Variants in CCSER1 observed in about 807,000 individuals in gnomAD.
CCSER1 encodes the protein coiled-coil serine rich protein 1.
In CCSER1, 41 loss-of-function variants were observed where a neutral mutation model predicts 82.0. That is an observed-to-expected ratio of 0.50 (90% CI 0.39 to 0.65). CCSER1 has a LOEUF of 0.65. Among genes scored for constraint, CCSER1 ranks in the 30% least tolerant of loss-of-function variants. CCSER1 has a pLI of 0.00. For synonymous variants in CCSER1, 414 were observed against 383.9 expected (o/e 1.08, Z -0.92); for missense variants, 1,119 against 1,064.2 (o/e 1.05, Z -0.72).
chr4:91,460,758 T>C (rs1756457937), intron 10 of CCSER1, among the ~76,000 whole-genome samples: 1 of 152,178 alleles, frequency 6.6e-6, no homozygotes, highest in Non-Finnish European at 1.5e-5. Flanking sequence ...GTGAGTGGCC[T>C]TACACTTTCA....
intron 1 of CCSER1, among the ~76,000 whole-genome samples, chr4:90,265,594 T>C (rs1725093648): frequency 6.6e-6 from 1 of 152,118 alleles, no homozygotes. Context: ...AATAAAATAT[T>C]CTATACTATT....
chr4:90,317,693 C>T (rs556487717), intron 3 of CCSER1, among the ~76,000 whole-genome samples: 1 of 152,220 alleles, frequency 6.6e-6, no homozygotes, highest in South Asian at 2.1e-4. Context: ...ATATAGATTT[C>T]TTTCTCACTT....
chr4:90,222,189 A>T (rs1742276557), intron 1 of CCSER1, among the ~76,000 whole-genome samples: 1 of 152,146 alleles, frequency 6.6e-6, no homozygotes, highest in Non-Finnish European at 1.5e-5. Context: ...GCGTATTTAG[A>T]AGGGGTCTTC....
chr4:90,712,749 C>T (rs543653121), intron 6 of CCSER1, among the ~76,000 whole-genome samples: 22 of 151,622 alleles, frequency 1.5e-4, no homozygotes, highest in African/African-American at 5.3e-4. Context: ...TAAAGTCTCC[C>T]ATTATTATTG....
At chr4:91,472,516 T>A (rs1437386582) in intron 10 of CCSER1, among the ~76,000 whole-genome samples, 1 of 152,244 alleles carries the variant, frequency 6.6e-6, no homozygotes, top group Non-Finnish European at 1.5e-5. Flanking sequence ...TTCCAAAAGC[T>A]ACTTGTAGAT....
chr4:90,338,338 T>G (rs2153502588), intron 3 of CCSER1, among the ~76,000 whole-genome samples: 1 of 152,362 alleles, frequency 6.6e-6, no homozygotes, highest in South Asian at 2.1e-4. Context: ...GTTTTCTTTC[T>G]GTTGTTTTCA....
At chr4:90,573,890 C>A (rs1429934989) in intron 5 of CCSER1, among the ~76,000 whole-genome samples, 1 of 152,036 alleles carries the variant, frequency 6.6e-6, no homozygotes, top group Non-Finnish European at 1.5e-5. Context: ...AATTTCATGT[C>A]ATTTTTGCTT....
chr4:91,538,481 T>G (rs1056669884), intron 10 of CCSER1, among the ~76,000 whole-genome samples: 1 of 151,222 alleles, frequency 6.6e-6, no homozygotes, highest in African/African-American at 2.4e-5. Context: ...TCCTCAGCAC[T>G]GGAAGAAGTT....
At chr4:91,170,967 T>TGGCC (rs1236039860) in intron 10 of CCSER1, among the ~76,000 whole-genome samples, 1 of 152,226 alleles carries the variant, frequency 6.6e-6, no homozygotes, top group Non-Finnish European at 1.5e-5. Flanking sequence ...GAGAAGCTGC[T>TGGCC]GGCCACATGT....
chr4:91,466,817 A>G (rs1350549459), intron 10 of CCSER1, among the ~76,000 whole-genome samples: 2 of 152,200 alleles, frequency 1.3e-5, no homozygotes, highest in African/African-American at 2.4e-5. Flanking sequence ...GGACCTCTTC[A>G]AGGAGAACTA....
chr4:91,519,728 C>T (rs1199462332), intron 10 of CCSER1, among the ~76,000 whole-genome samples: 1 of 152,186 alleles, frequency 6.6e-6, no homozygotes, highest in African/African-American at 2.4e-5. Flanking sequence ...GGTGTCTCCC[C>T]TGGCTCTGTG....
chr4:90,301,134 G>T (rs1733022316), intron 1 of CCSER1, among the ~76,000 whole-genome samples: 1 of 151,930 alleles, frequency 6.6e-6, no homozygotes, highest in Admixed American at 6.6e-5. Context: ...TGAACCCAGA[G>T]AATAATTTTT....
chr4:91,549,369 C>A (rs1273101792), intron 10 of CCSER1, among the ~76,000 whole-genome samples: 4 of 152,058 alleles, frequency 2.6e-5, no homozygotes, highest in Non-Finnish European at 5.9e-5. Context: ...GGTTCTGATG[C>A]TCATTCATTC....
At chr4:90,496,547 T>C (rs949386677) in intron 5 of CCSER1, among the ~76,000 whole-genome samples, 2 of 152,180 alleles carry the variant, frequency 1.3e-5, no homozygotes, top group African/African-American at 4.8e-5. Context: ...TTCAGATATT[T>C]ATGGAGTCTT....
At chr4:91,180,579 G>A (rs1227905271) in intron 10 of CCSER1, among the ~76,000 whole-genome samples, 1 of 152,202 alleles carries the variant, frequency 6.6e-6, no homozygotes, top group Non-Finnish European at 1.5e-5. Context: ...AGTAGTGAGT[G>A]AGGCTCTGTG....
chr4:90,790,577 G>C (rs1049758790), intron 7 of CCSER1, among the ~76,000 whole-genome samples: 3 of 152,194 alleles, frequency 2.0e-5, no homozygotes, highest in South Asian at 2.1e-4. Flanking sequence ...TGCTTTCTCT[G>C]ACTCTACTAC....
At chr4:90,307,255 TA>T (rs1252705278) in intron 1 of CCSER1, among the ~76,000 whole-genome samples, 2 of 152,104 alleles carry the variant, frequency 1.3e-5, no homozygotes, top group South Asian at 2.1e-4. Context: ...TCTCCATTGA[TA>T]CCCTGAATAT....
chr4:90,478,802 G>A (rs140092098), intron 5 of CCSER1, among the ~76,000 whole-genome samples: 2,574 of 149,544 alleles, frequency 0.017, 69 homozygotes, highest in African/African-American at 0.06. Flanking sequence ...GTTCAGTGGC[G>A]CAATCTCGGC....
chr4:91,150,617 T>A (rs1581653290), intron 10 of CCSER1, among the ~76,000 whole-genome samples: 1 of 152,146 alleles, frequency 6.6e-6, no homozygotes. Context: ...TGGCTGTGGG[T>A]TTGTCATAAA....
Sources: allele counts gnomAD v4.1 joint callset (sites outside exome capture counted in the v4.1 genomes callset), GRCh38; gene constraint gnomAD v4.1.1; transcripts MANE v1.5; gene names NCBI Gene and HGNC (gene_info 2026-07-23, HGNC 2026-07-21).